CPHXL2: variants seen among roughly 807,000 people sequenced by gnomAD.
CPHXL2 encodes cytoplasmic polyadenylated homeobox like 2.
chr16:75,676,608 C>G, the CPHXL2 span, among the ~76,000 whole-genome samples: 4 of 152,198 alleles, frequency 2.6e-5, no homozygotes, highest in Admixed American at 6.5e-5. Flanking sequence ...AGGCATGAGC[C>G]ACTGCTTCCA....
At chr16:75,661,629 G>C in the CPHXL2 span, among the ~76,000 whole-genome samples, 5 of 151,738 alleles carry the variant, frequency 3.3e-5, no homozygotes, top group Non-Finnish European at 5.9e-5. Context: ...ACCTAGACGT[G>C]GATTGTTCCT....
chr16:75,669,770 T>C, the CPHXL2 span, among the ~76,000 whole-genome samples: 1 of 152,198 alleles, frequency 6.6e-6, no homozygotes, highest in African/African-American at 2.4e-5. Flanking sequence ...TTTTTGTAAA[T>C]AGAGTTTTTT....
the CPHXL2 span, among the ~76,000 whole-genome samples, chr16:75,662,575 A>T: frequency 6.6e-6 from 1 of 152,062 alleles, no homozygotes; most frequent in Non-Finnish European, 1.5e-5. Flanking sequence ...TGGAGATTCT[A>T]AGTATTTTGA....
At chr16:75,674,467 T>G in the CPHXL2 span, among the ~76,000 whole-genome samples, 4 of 151,990 alleles carry the variant, frequency 2.6e-5, no homozygotes, top group African/African-American at 9.7e-5. Flanking sequence ...ATGGATAGTT[T>G]ATGTACAAGA....
At chr16:75,665,252 A>G in the CPHXL2 span, among the ~76,000 whole-genome samples, 2 of 152,246 alleles carry the variant, frequency 1.3e-5, no homozygotes, top group East Asian at 3.8e-4. Flanking sequence ...CAGAAAACCT[A>G]TAAAGGAAAA....
At chr16:75,665,860 G>T in the CPHXL2 span, among the ~76,000 whole-genome samples, 1 of 152,028 alleles carries the variant, frequency 6.6e-6, no homozygotes, top group Non-Finnish European at 1.5e-5. Flanking sequence ...GCAAGACTCT[G>T]TCCCAACAAA....
At chr16:75,661,161 T>A in the CPHXL2 span, 2 of 400,816 alleles carry the variant, frequency 5.0e-6, no homozygotes, top group Non-Finnish European at 8.8e-6. Flanking sequence ...TGGACAGGCT[T>A]GGACTGGGAA....
the CPHXL2 span, chr16:75,661,023 C>T: frequency 2.5e-6 from 1 of 400,412 alleles, no homozygotes; most frequent in Non-Finnish European, 4.4e-6. Flanking sequence ...CATCTGTTGA[C>T]AGGCAATCCT....
At chr16:75,660,909 C>G in the CPHXL2 span, 1 of 398,648 alleles carries the variant, frequency 2.5e-6, no homozygotes, top group Admixed American at 4.4e-5. Context: ...GCACTGGGAA[C>G]CCACCTGTTG....
chr16:75,672,626 T>A, the CPHXL2 span, among the ~76,000 whole-genome samples: 1 of 152,162 alleles, frequency 6.6e-6, no homozygotes, highest in Non-Finnish European at 1.5e-5. Context: ...CAAGTAGGAC[T>A]ACAGGCTTGC....
At chr16:75,665,556 A>G in the CPHXL2 span, among the ~76,000 whole-genome samples, 5 of 152,194 alleles carry the variant, frequency 3.3e-5, no homozygotes, top group Non-Finnish European at 5.9e-5. Flanking sequence ...CACAGGACCT[A>G]TACAACAAAA....
At chr16:75,667,120 T>C in the CPHXL2 span, among the ~76,000 whole-genome samples, 12 of 152,000 alleles carry the variant, frequency 7.9e-5, no homozygotes, top group Non-Finnish European at 1.3e-4. Context: ...GAGACCAGCC[T>C]GGCCAATATG....
chr16:75,666,455 A>G, the CPHXL2 span, among the ~76,000 whole-genome samples: 1 of 152,020 alleles, frequency 6.6e-6, no homozygotes, highest in African/African-American at 2.4e-5. Context: ...CTGAAAACAC[A>G]AAATTAGCCT....
chr16:75,662,797 T>A, the CPHXL2 span, among the ~76,000 whole-genome samples: 3 of 89,190 alleles, frequency 3.4e-5, no homozygotes, highest in African/African-American at 1.3e-4. Context: ...GAGATAATTC[T>A]TTTTTTTTTT....
the CPHXL2 span, among the ~76,000 whole-genome samples, chr16:75,675,844 C>T: frequency 9.2e-5 from 14 of 152,160 alleles, no homozygotes; most frequent in South Asian, 1.5e-3. Context: ...TTTGGGAGAC[C>T]GAGGTGGGTG....
chr16:75,672,180 G>A, the CPHXL2 span, among the ~76,000 whole-genome samples: 1 of 151,806 alleles, frequency 6.6e-6, no homozygotes, highest in Non-Finnish European at 1.5e-5. Context: ...TCAGGTGGCT[G>A]AGGCAGGAGA....
At chr16:75,673,057 C>T in the CPHXL2 span, among the ~76,000 whole-genome samples, 31 of 113,702 alleles carry the variant, frequency 2.7e-4, no homozygotes, top group Admixed American at 3.1e-3. Flanking sequence ...CTGGGGATGA[C>T]GGAGTAAGAC....
chr16:75,665,074 C>T, the CPHXL2 span, among the ~76,000 whole-genome samples: 8 of 152,210 alleles, frequency 5.3e-5, no homozygotes, highest in Non-Finnish European at 1.2e-4. Context: ...GGAGGCAGCG[C>T]TCATGAGAGT....
the CPHXL2 span, among the ~76,000 whole-genome samples, chr16:75,669,857 G>A: frequency 6.6e-6 from 1 of 152,168 alleles, no homozygotes; most frequent in African/African-American, 2.4e-5. Flanking sequence ...TAGCGGAATC[G>A]GTAGTTGAGG....
Sources: gnomAD v4.1 joint callset for allele counts (sites outside exome capture counted in the v4.1 genomes callset) on GRCh38, gnomAD v4.1.1 for gene constraint, MANE v1.5 for transcripts, NCBI Gene and HGNC (gene_info 2026-07-23, HGNC 2026-07-21) for gene names.